Variants in GLRB observed in about 807,000 individuals in gnomAD.
GLRB encodes glycine receptor subunit beta.
In GLRB, 33 loss-of-function variants were observed where a neutral mutation model predicts 54.2. The observed-to-expected ratio is 0.61, with a 90% confidence interval of 0.46 to 0.81. The LOEUF is 0.81. GLRB is among the 40% of genes least tolerant of loss of function. The pLI, the probability that GLRB is intolerant of heterozygous loss-of-function variation, is 0.00. For missense variants in GLRB, 572 were observed against 584.6 expected (o/e 0.98, Z 0.22); for synonymous variants, 209 against 208.2 (o/e 1.00, Z -0.03).
chr4:157,157,159 ACCT>A (rs2126611662), intron 9 of GLRB, among the ~76,000 whole-genome samples: 1 of 152,130 alleles, frequency 6.6e-6, no homozygotes, highest in East Asian at 1.9e-4. Context: ...CTGTGACATC[ACCT>A]CAGCGTGGAA....
intron 9 of GLRB, among the ~76,000 whole-genome samples, chr4:157,157,814 C>T (rs753514400): frequency 1.3e-5 from 2 of 152,140 alleles, no homozygotes; most frequent in South Asian, 2.1e-4. Flanking sequence ...GTGCATGTGT[C>T]TTTATAGCAA....
intron 1 of GLRB, among the ~76,000 whole-genome samples, chr4:157,076,816 A>G (rs1238153390): frequency 6.6e-6 from 1 of 151,374 alleles, no homozygotes; most frequent in African/African-American, 2.4e-5. Context: ...GGGGGAAGGG[A>G]GCGTCCAATG....
intron 4 of GLRB, among the ~76,000 whole-genome samples, chr4:157,129,768 T>C (rs534726376): frequency 7.9e-5 from 12 of 151,626 alleles, no homozygotes; most frequent in African/African-American, 1.2e-4. Flanking sequence ...TTTTTTGTGG[T>C]GTATTGAGGT....
intron 2 of GLRB, among the ~76,000 whole-genome samples, chr4:157,116,923 G>T (rs1735627997): frequency 1.3e-5 from 2 of 151,660 alleles, no homozygotes; most frequent in Non-Finnish European, 3.0e-5. Context: ...AAGAAAAGGG[G>T]CCATATGATA....
chr4:157,084,528 A>G, intron 2 of GLRB: 2 of 445,922 alleles, frequency 4.5e-6, no homozygotes, highest in South Asian at 1.6e-5. Flanking sequence ...TTACATAAAT[A>G]ACTTTTAATT....
intron 2 of GLRB, among the ~76,000 whole-genome samples, chr4:157,118,004 G>C (rs981132368): frequency 5.9e-5 from 9 of 151,622 alleles, no homozygotes; most frequent in African/African-American, 2.2e-4. Flanking sequence ...GTTTAGATTA[G>C]TACAATAAAG....
chr4:157,167,312 A>G (rs17035816), intron 9 of GLRB, among the ~76,000 whole-genome samples: 16,128 of 152,244 alleles, frequency 0.11, 1,647 homozygotes, highest in African/African-American at 0.28. Flanking sequence ...TTCTATTCCA[A>G]TCAAGATAGT....
chr4:157,133,158 A>G (rs1736278364), intron 4 of GLRB, among the ~76,000 whole-genome samples: 1 of 151,922 alleles, frequency 6.6e-6, no homozygotes, highest in Non-Finnish European at 1.5e-5. Context: ...AAATGGTGAT[A>G]ATAGACATAA....
intron 8 of GLRB, 74 bp from the exon 9 acceptor site, chr4:157,152,644 A>T: frequency 1.8e-6 from 2 of 1,141,290 alleles, no homozygotes; most frequent in Non-Finnish European, 2.7e-6. Context: ...AGACGGATTT[A>T]GTCAAAGAGT....
At chr4:157,086,989 A>C (rs997347193) in intron 2 of GLRB, among the ~76,000 whole-genome samples, 3 of 152,048 alleles carry the variant, frequency 2.0e-5, no homozygotes, top group Non-Finnish European at 2.9e-5. Context: ...TTTATTTTCT[A>C]GTTGGACTCT....
intron 2 of GLRB, among the ~76,000 whole-genome samples, chr4:157,087,544 G>A (rs1018340813): frequency 1.3e-5 from 2 of 151,892 alleles, no homozygotes; most frequent in African/African-American, 2.4e-5. Flanking sequence ...GTGTTTTGTT[G>A]GTGCTTTTTG....
intron 4 of GLRB, among the ~76,000 whole-genome samples, chr4:157,136,019 G>C (rs1736385503): frequency 6.6e-6 from 1 of 152,064 alleles, no homozygotes; most frequent in South Asian, 2.1e-4. Flanking sequence ...ATTTTTGTAG[G>C]TGTTGCAATA....
chr4:157,141,404 T>C (rs922719389), intron 7 of GLRB, among the ~76,000 whole-genome samples: 2 of 151,460 alleles, frequency 1.3e-5, no homozygotes, highest in East Asian at 1.9e-4. Flanking sequence ...CATAGAAAAA[T>C]GGGAAAGTAT....
At chr4:157,160,321 C>G (rs1560976429) in intron 9 of GLRB, among the ~76,000 whole-genome samples, 1 of 151,664 alleles carries the variant, frequency 6.6e-6, no homozygotes, top group Non-Finnish European at 1.5e-5. Flanking sequence ...GCTTTTTGTG[C>G]CTCTGTCTCC....
At chr4:157,140,533 A>G (rs1044054597) in intron 7 of GLRB, among the ~76,000 whole-genome samples, 1 of 151,932 alleles carries the variant, frequency 6.6e-6, no homozygotes, top group Admixed American at 6.6e-5. Context: ...ATCTCTCGCT[A>G]TACTAGGCAT....
chr4:157,087,357 A>G (rs1450500701), intron 2 of GLRB, among the ~76,000 whole-genome samples: 1 of 152,156 alleles, frequency 6.6e-6, no homozygotes, highest in Non-Finnish European at 1.5e-5. Flanking sequence ...ATAACTTTCA[A>G]TAAGTCACTT....
At chr4:157,111,034 G>A (rs943300813) in intron 2 of GLRB, among the ~76,000 whole-genome samples, 6 of 142,214 alleles carry the variant, frequency 4.2e-5, no homozygotes, top group African/African-American at 1.6e-4. Context: ...TTGAGCTCGG[G>A]TAGCATCTGT....
intron 4 of GLRB, among the ~76,000 whole-genome samples, chr4:157,133,806 T>C (rs986187753): frequency 6.6e-6 from 1 of 151,990 alleles, no homozygotes; most frequent in Non-Finnish European, 1.5e-5. Flanking sequence ...TGATAAAAAA[T>C]ACAAATGTAT....
intron 2 of GLRB, among the ~76,000 whole-genome samples, chr4:157,106,447 G>A (rs1735227992): frequency 1.3e-5 from 2 of 152,116 alleles, no homozygotes; most frequent in African/African-American, 2.4e-5. Context: ...GTGTCTGTAA[G>A]GGTGTTTTCA....
Sources: gnomAD v4.1 joint callset for allele counts (sites outside exome capture counted in the v4.1 genomes callset) on GRCh38, gnomAD v4.1.1 for gene constraint, MANE v1.5 for transcripts, NCBI Gene and HGNC (gene_info 2026-07-23, HGNC 2026-07-21) for gene names.